KCNMB2: variants seen among roughly 807,000 people sequenced by gnomAD.
The protein encoded by KCNMB2 is potassium calcium-activated channel subfamily M regulatory beta subunit 2, also known as calcium-activated potassium channel subunit beta-2.
In KCNMB2, 9 loss-of-function variants were observed where a neutral mutation model predicts 24.5. The observed-to-expected ratio is 0.37, with a 90% confidence interval of 0.22 to 0.64. KCNMB2 has a LOEUF of 0.64. Among genes scored for constraint, KCNMB2 ranks in the 30% least tolerant of loss-of-function variants. KCNMB2 has a pLI of 0.63. For missense variants in KCNMB2, 226 were observed against 284.3 expected, an observed-to-expected ratio of 0.79 and a Z score of 1.47; for synonymous variants, 109 against 104.4, an observed-to-expected ratio of 1.04 and a Z score of -0.27.
intron 1 of KCNMB2, among the ~76,000 whole-genome samples, chr3:178,631,266 A>G (rs1289630763): frequency 2.0e-5 from 3 of 152,196 alleles, no homozygotes; most frequent in African/African-American, 7.2e-5. Flanking sequence ...ACCTCTCAGT[A>G]CTTTCTGAAA....
Position 178,825,726 on chromosome 3 carries a change from G to A in KCNMB2, c.195G>A (p.Leu65=). 6.2e-7 allele frequency: 1 copy of A among 1,613,710 alleles called. No individual in the cohort carries two copies. The highest frequency in any genetic ancestry group is 1.1e-5 in the South Asian group (1 of 91,052). ...MVCSIMMYFL[L]GITLLRSYMQ... is the part of the protein sequence containing the mutation. ...GCTCCATCATGATGTATTTTCTGCT[G>A]GGAATCACACTCCTGCGCTCATACA... The change falls in exon 3 of 5, where the codon CTG becomes CTA. Residue 65 remains leucine (L), a synonymous_variant. Coordinates refer to ENST00000452583, the MANE Select transcript of KCNMB2 (RefSeq NM_181361.3).
At chr3:178,709,808 G>A (rs1722391799) in intron 1 of KCNMB2, among the ~76,000 whole-genome samples, 1 of 152,024 alleles carries the variant, frequency 6.6e-6, no homozygotes, top group Non-Finnish European at 1.5e-5. Context: ...TATTTGTACT[G>A]CTCATTTAAG....
intron 1 of KCNMB2, among the ~76,000 whole-genome samples, chr3:178,652,175 T>G (rs1720146966): frequency 2.6e-5 from 4 of 152,124 alleles, no homozygotes. Context: ...TCTATCTATC[T>G]GACAAAGAGC....
intron 1 of KCNMB2, among the ~76,000 whole-genome samples, chr3:178,557,495 TA>T (rs1456336378): frequency 6.6e-6 from 1 of 152,214 alleles, no homozygotes; most frequent in Admixed American, 6.5e-5. Flanking sequence ...TAAAGAAATT[TA>T]AAGCATTCCG....
intron 1 of KCNMB2, among the ~76,000 whole-genome samples, chr3:178,666,438 A>G (rs1486479594): frequency 1.3e-5 from 2 of 152,160 alleles, no homozygotes; most frequent in Admixed American, 6.6e-5. Context: ...TTGAATTTAA[A>G]ATTAATGAAA....
At chr3:178,823,295 G>T (rs1714703830) in intron 2 of KCNMB2, among the ~76,000 whole-genome samples, 1 of 152,142 alleles carries the variant, frequency 6.6e-6, no homozygotes, top group South Asian at 2.1e-4. Context: ...TTGGGATTGG[G>T]AGCTGGGGAA....
Position 178,780,072 on chromosome 3 carries a change from A to G in KCNMB2, c.-67-27271A>G, listed in dbSNP as rs967432520. 3.0e-3 allele frequency among the ~76,000 whole-genome samples: 441 copies of G among 147,822 alleles called. 1 individual carries two copies. The highest frequency in any genetic ancestry group is 0.011 in the African/African-American group (420 of 39,954). On this transcript the variant is annotated intron_variant, in intron 1 of 4. Coordinates refer to ENST00000452583, the MANE Select transcript of KCNMB2 (RefSeq NM_181361.3). ...TTTTTTTAAAAAAAAAAAAAAAAAA[A>G]GCACTATGAAATTATGGGTTAAACA...
intron 1 of KCNMB2, among the ~76,000 whole-genome samples, chr3:178,786,899 A>T (rs1199383854): frequency 6.6e-6 from 1 of 152,138 alleles, no homozygotes; most frequent in Admixed American, 6.6e-5. Flanking sequence ...CCAAAGACAG[A>T]TTATAAGTCA....
At chr3:178,803,039 T>C (rs1387514795) in intron 1 of KCNMB2, among the ~76,000 whole-genome samples, 2 of 152,332 alleles carry the variant, frequency 1.3e-5, no homozygotes, top group Non-Finnish European at 2.9e-5. Context: ...ATTATGTTAT[T>C]ATGTTTCATG....
rs75185241 is a variant in KCNMB2 at position 178,737,448 on chromosome 3, G to A, written c.-67-69895G>A. 7.2e-3 allele frequency among the ~76,000 whole-genome samples: 1,103 copies of A among 152,194 alleles called. 17 individuals are homozygous for A. The highest frequency in any genetic ancestry group is 0.022 in the African/African-American group (922 of 41,510). Reference sequence around the variant, plus strand: ...GATTTCAGTTTAGGTCTCAAACTTCGTCCTTATTACGTTCTAGGAAATGTT... The same window carrying A: ...GATTTCAGTTTAGGTCTCAAACTTCATCCTTATTACGTTCTAGGAAATGTT... On this transcript the variant is annotated intron_variant, in intron 1 of 4. Transcript: ENST00000452583.
rs1243526951 is a variant in KCNMB2, at chr3:178,536,450, T to G, written c.-329T>G. 6.6e-6 allele frequency: 1 copy of G among 152,206 alleles called. No individual in the cohort carries two copies. Among genetic ancestry groups the G allele is most frequent in the Non-Finnish European group, 1.5e-5 (1 of 68,032 alleles). 9.4% of individuals were successfully genotyped at this position (152,206 alleles called of 1,614,324 possible). A position where few individuals can be genotyped will look rare whatever the true frequency, so the allele number is the denominator to read the frequency against. Reference sequence around the variant, plus strand: ...CGCTTTAAAACAGTATGAAGCAGCTTTAACGGAGCTCCAGATAACTAATTT... The same window carrying G: ...CGCTTTAAAACAGTATGAAGCAGCTGTAACGGAGCTCCAGATAACTAATTT... On this transcript the variant is annotated 5_prime_UTR_variant, in exon 1 of 5. Transcript: ENST00000452583.
chr3:178,694,914 C>A (rs1721820377), intron 1 of KCNMB2, among the ~76,000 whole-genome samples: 1 of 152,226 alleles, frequency 6.6e-6, no homozygotes, highest in Non-Finnish European at 1.5e-5. Flanking sequence ...CACAGCTCCA[C>A]CAGGCAGTGC....
chr3:178,827,109 C>T (rs758412493), intron 3 of KCNMB2, among the ~76,000 whole-genome samples: 3 of 152,158 alleles, frequency 2.0e-5, no homozygotes, highest in Non-Finnish European at 4.4e-5. Context: ...AAAAGGAAAG[C>T]GTATTAATCT....
chr3:178,574,752 C>T (rs542253065), intron 1 of KCNMB2, among the ~76,000 whole-genome samples: 16 of 152,124 alleles, frequency 1.1e-4, no homozygotes, highest in Non-Finnish European at 2.1e-4. Context: ...CTGGATGATA[C>T]AATGTACACA....
At chr3:178,577,202 C>T (rs951475790) in intron 1 of KCNMB2, among the ~76,000 whole-genome samples, 10 of 152,122 alleles carry the variant, frequency 6.6e-5, no homozygotes, top group Admixed American at 1.3e-4. Context: ...CTGCAGCCTC[C>T]GCTTGCGTCC....
At chr3:178,821,397 C>G (rs143455052) in intron 2 of KCNMB2, among the ~76,000 whole-genome samples, 3 of 152,326 alleles carry the variant, frequency 2.0e-5, no homozygotes, top group African/African-American at 4.8e-5. Flanking sequence ...TGAACACCCT[C>G]TTTCCCAACT....
At chr3:178,769,781 A>G (rs1203960109) in intron 1 of KCNMB2, among the ~76,000 whole-genome samples, 1 of 152,254 alleles carries the variant, frequency 6.6e-6, no homozygotes, top group African/African-American at 2.4e-5. Flanking sequence ...AAAAATTACA[A>G]TGATGGTCTA....
At chr3:178,592,153 T>C (rs182412218) in intron 1 of KCNMB2, among the ~76,000 whole-genome samples, 1 of 152,292 alleles carries the variant, frequency 6.6e-6, no homozygotes, top group Non-Finnish European at 1.5e-5. Context: ...ACTGGCAATA[T>C]TTATGGATGG....
At chr3:178,745,729 T>A (rs950565873) in intron 1 of KCNMB2, among the ~76,000 whole-genome samples, 2 of 152,158 alleles carry the variant, frequency 1.3e-5, no homozygotes, top group Non-Finnish European at 2.9e-5. Flanking sequence ...AATACAGCCA[T>A]CCCAAATGGG....
Sources: gnomAD v4.1 joint callset for allele counts (sites outside exome capture counted in the v4.1 genomes callset) on GRCh38, gnomAD v4.1.1 for gene constraint, MANE v1.5 for transcripts, NCBI Gene and HGNC (gene_info 2026-07-23, HGNC 2026-07-21) for gene names.